The following PLEK variants were observed in gnomAD, a reference collection of about 807,000 sequenced individuals.
PLEK encodes pleckstrin.
A neutral mutation model predicts 43.9 loss-of-function variants in PLEK; 25 were observed. The ratio of observed to expected loss-of-function variants is 0.57; its 90% CI spans 0.41 to 0.79. The LOEUF (loss-of-function observed/expected upper bound fraction) is 0.79. PLEK is among the 30% of genes least tolerant of loss of function. The pLI, the probability that PLEK is intolerant of heterozygous loss-of-function variation, is 0.00. For missense variants in PLEK, 396 were observed against 413.3 expected (o/e 0.96, Z 0.36); for synonymous variants, 152 against 144.4 (o/e 1.05, Z -0.38).
intron 6 of PLEK, 130 bp downstream of exon 6, chr2:68,388,621 A>G (rs1292092838): frequency 2.3e-5 from 13 of 569,284 alleles, no homozygotes; most frequent in Non-Finnish European, 3.9e-5. Flanking sequence ...AAAGTGAAAG[A>G]TAGATGAGTA....
At chr2:68,381,040 C>T in intron 3 of PLEK, 136 bp downstream of exon 3, 1 of 751,502 alleles carries the variant, frequency 1.3e-6, no homozygotes, top group East Asian at 2.6e-5. Context: ...ACTTGGTGTA[C>T]TAAAATGTTT....
chr2:68,395,856 C>T lies in PLEK; in HGVS notation c.*40C>T. 1.3e-6 allele frequency: 2 copies of T among 1,577,518 alleles called. No homozygotes were observed. Among genetic ancestry groups the T allele is most frequent in the South Asian group, 2.2e-5 (2 of 90,294 alleles). On this transcript the variant is annotated 3_prime_UTR_variant, in exon 9 of 9. Transcript: ENST00000234313. ...TCCTCCTCCCCTCCTGAGGGAAGCC[C>T]ATGGACAAGCTCAGTCCAGGACCTG... is the stretch of plus-strand genomic sequence containing the variant.
At position 68,382,458 on chromosome 2, in the gene PLEK, A is replaced by C; in HGVS notation, c.381-84A>C. 4 of 780,136 alleles carry C rather than the reference A, an allele frequency of 5.1e-6. No homozygotes were observed. In the South Asian group the frequency reaches 6.3e-5, roughly 12 times the overall value. 48.3% of individuals were successfully genotyped at this position (780,136 alleles called of 1,614,324 possible). A position where few individuals can be genotyped will look rare whatever the true frequency, so the allele number is the denominator to read the frequency against. ...AGCTTGTGCTCACCTCCCAGAGAGA[A>C]CTTACCATTCTGAAATGTTCCCCAC... On this transcript the variant is annotated intron_variant, in intron 3 of 8. Transcript: ENST00000234313.
intron 3 of PLEK, 107 bp from the exon 4 acceptor site, chr2:68,382,435 C>T (rs1673642282): frequency 1.5e-6 from 1 of 660,514 alleles, no homozygotes; most frequent in South Asian, 1.8e-5. Flanking sequence ...GGTGGGGGAG[C>T]TTGTGCTCAC....
chr2:68,386,473 T>C (rs373699882), intron 4 of PLEK, 29 bp from the exon 5 acceptor site: 3 of 1,591,668 alleles, frequency 1.9e-6, no homozygotes, highest in South Asian at 2.2e-5. Flanking sequence ...GTAAGGAGAG[T>C]TAACCTTCCC....
intron 1 of PLEK, among the ~76,000 whole-genome samples, chr2:68,378,040 C>T (rs1186600200): frequency 6.6e-6 from 1 of 152,072 alleles, no homozygotes; most frequent in East Asian, 1.9e-4. Context: ...ATATATAAAA[C>T]ATGTGTATAC....
At chr2:68,387,845 C>A in intron 5 of PLEK, 1 of 149,654 alleles carries the variant, frequency 6.7e-6, no homozygotes. Flanking sequence ...TCTAAAAATA[C>A]CCATCACAGT....
intron 2 of PLEK, 63 bp from the exon 3 acceptor site, chr2:68,380,660 T>A (rs142985185): frequency 6.5e-7 from 1 of 1,537,256 alleles, no homozygotes; most frequent in African/African-American, 1.4e-5. Flanking sequence ...TGGCCTCTGC[T>A]TCATGAGGGG....
At chr2:68,368,557 G>A (rs545945045) in intron 1 of PLEK, among the ~76,000 whole-genome samples, 5 of 152,336 alleles carry the variant, frequency 3.3e-5, no homozygotes, top group South Asian at 2.1e-4. Flanking sequence ...AGCAAGGCAC[G>A]AACAAATTGT....
chr2:68,386,085 T>A (rs1211670576), intron 4 of PLEK, among the ~76,000 whole-genome samples: 3 of 151,696 alleles, frequency 2.0e-5, no homozygotes, highest in Admixed American at 6.6e-5. Flanking sequence ...ATTATTTTTT[T>A]ATTTTATTTT....
intron 5 of PLEK, chr2:68,387,858 C>T (rs1423042308): frequency 6.6e-6 from 1 of 152,490 alleles, no homozygotes; most frequent in East Asian, 1.9e-4. Context: ...ATCACAGTGG[C>T]TCCTCTTCCT....
At chr2:68,393,279 A>G (rs1311780912) in intron 7 of PLEK, 34 bp downstream of exon 7, 10 of 1,301,548 alleles carry the variant, frequency 7.7e-6, no homozygotes, top group Non-Finnish European at 1.1e-5. Flanking sequence ...CCATTCAAAT[A>G]AATAAATCCA....
chr2:68,395,744 G>A lies in PLEK; in HGVS notation c.981G>A (p.Leu327=). The change falls in exon 9 of 9, where the codon TTG becomes TTA. Residue 327 remains leucine, a synonymous_variant. Coordinates refer to ENST00000234313, the MANE Select transcript of PLEK (RefSeq NM_002664.3). ...IITADEVHYF[L]QAATPKERTE... ...CAGCAGATGAAGTGCACTATTTCTT[G>A]CAAGCAGCCACCCCCAAGGAGCGCA... 1 of 1,613,890 alleles carries A rather than the reference G, an allele frequency of 6.2e-7. No individual in the cohort carries two copies. Among genetic ancestry groups the A allele is most frequent in the South Asian group, 1.1e-5 (1 of 91,084 alleles).
intron 4 of PLEK, among the ~76,000 whole-genome samples, chr2:68,384,383 C>G (rs1324724296): frequency 6.6e-6 from 1 of 152,062 alleles, no homozygotes; most frequent in East Asian, 1.9e-4. Flanking sequence ...CACCACCATG[C>G]CTGGCTAATT....
intron 8 of PLEK, 70 bp downstream of exon 8, chr2:68,394,246 C>T: frequency 1.1e-6 from 1 of 883,554 alleles, no homozygotes; most frequent in Non-Finnish European, 1.9e-6. Context: ...ACATCCTGGG[C>T]CAACATTAAT....
Position 68,393,366 on chromosome 2 carries a change from T to C in PLEK, c.846+121T>C, listed in dbSNP as rs185065824. On this transcript the variant is annotated intron_variant, in intron 7 of 8. Coordinates refer to ENST00000234313, the MANE Select transcript of PLEK (RefSeq NM_002664.3). ...CCTTTTTCTCTTTACTGGCCCACTT[T>C]TTTTTCTCCCATTCTCCTCTACCTT... The C allele has an allele frequency of 3.4e-3, 2,348 of 694,222 alleles. 35 individuals are homozygous for C. The highest frequency in any genetic ancestry group is 6.4e-4 in the Non-Finnish European group (247 of 386,888). 43.0% of individuals were successfully genotyped at this position (694,222 alleles called of 1,614,324 possible).
At chr2:68,375,416 A>C (rs2103764233) in intron 1 of PLEK, among the ~76,000 whole-genome samples, 1 of 152,166 alleles carries the variant, frequency 6.6e-6, no homozygotes, top group East Asian at 1.9e-4. Context: ...AGTTCTTTGT[A>C]TTCTAGATAT....
In PLEK at chr2:68,390,297, C is replaced by A. The variant is rs76949490; in HGVS notation, c.762+1806C>A. 1.4e-4 allele frequency among the ~76,000 whole-genome samples: 21 copies of A among 152,292 alleles called. No individual in the cohort carries two copies. The East Asian group carries it at 4.0e-3, about 29-fold the overall frequency. On this transcript the variant is annotated intron_variant, in intron 6 of 8. Coordinates refer to ENST00000234313, the MANE Select transcript of PLEK (RefSeq NM_002664.3). ...GGAACTGTTAAAACTGCATGCCAGG[C>A]CAATTTAATCAGAGCCTCTGGATTT...
chr2:68,371,992 G>A (rs912409043), intron 1 of PLEK, among the ~76,000 whole-genome samples: 10 of 152,116 alleles, frequency 6.6e-5, no homozygotes, highest in East Asian at 3.9e-4. Context: ...GCTTTTATTC[G>A]TTTGAGAATT....
Sources: allele counts gnomAD v4.1 joint callset (sites outside exome capture counted in the v4.1 genomes callset), GRCh38; gene constraint gnomAD v4.1.1; transcripts MANE v1.5; gene names NCBI Gene and HGNC (gene_info 2026-07-23, HGNC 2026-07-21).